Variants in BICD2 observed in about 807,000 individuals in gnomAD.
BICD2 encodes the protein protein bicaudal D homolog 2.
Under a neutral mutation model 72.9 loss-of-function variants are expected in BICD2, and 25 were observed. The ratio of observed to expected loss-of-function variants is 0.34; its 90% CI spans 0.25 to 0.48. The LOEUF (loss-of-function observed/expected upper bound fraction) is 0.48. Among genes scored for constraint, BICD2 ranks in the 20% least tolerant of loss-of-function variants. The probability of loss-of-function intolerance (pLI) is 0.99; values close to 1 mark genes in which losing one functional copy is unlikely to be tolerated. For missense variants in BICD2, 894 were observed against 1,175.2 expected, an observed-to-expected ratio of 0.76 and a Z score of 3.50; for synonymous variants, 501 against 516.1, an observed-to-expected ratio of 0.97 and a Z score of 0.40.
intron 1 of BICD2, among the ~76,000 whole-genome samples, chr9:92,752,730 C>A (rs545637984): frequency 6.6e-6 from 1 of 152,184 alleles, no homozygotes; most frequent in Non-Finnish European, 1.5e-5. Context: ...CCACTCCAGC[C>A]TGGGCGACAG....
In BICD2 at chr9:92,720,614, C is replaced by G. The variant is rs369847588; in HGVS notation, c.748G>C (p.Glu250Gln). The change falls in exon 4 of 7, where the codon GAG becomes CAG. Residue 250 changes from glutamate (E) to glutamine (Q), a missense_variant. Around this residue, in one of 5 missense-constraint regions of BICD2, gnomAD observed 371 missense variants for 439.1 expected, o/e 0.84. Transcript: ENST00000356884. This position sits in a 1 kb window ranked among gnomAD's most constrained non-coding sequence, Gnocchi z 5.4. ...LEEALETLKT[E>Q]REQKNSLRKE... ...CGCAGGCTGTTCTTCTGTTCGCGCT[C>G]CGTCTTCAGGGTCTCCAGCGCCTCC... 2.5e-6 allele frequency: 4 copies of G among 1,614,044 alleles called. No homozygotes were observed. The African/African-American group carries it at 5.3e-5, about 22-fold the overall frequency.
In BICD2 at chr9:92,718,053, TG is replaced by T. The variant is rs1473931146; in HGVS notation, c.2107-106del. On this transcript the variant is annotated intron_variant, in intron 5 of 6. Transcript: ENST00000356884. ...CCCGGTCTGAAGTGGTGGCAGTGCC[TG>T]GGAAGAAAGCTCCTGGGAGGCCCCT... 29 of 1,410,084 alleles carry T rather than the reference TG, an allele frequency of 2.1e-5. No homozygotes were observed. The Middle Eastern group carries it at 7.8e-4, about 38-fold the overall frequency. The allele number at this position is 1,410,084 out of a possible 1,614,324, so 87.3% of individuals were successfully genotyped here. A position where few individuals can be genotyped will look rare whatever the true frequency, so the allele number is the denominator to read the frequency against.
intron 1 of BICD2, among the ~76,000 whole-genome samples, chr9:92,744,202 C>G (rs1272507475): frequency 6.6e-6 from 1 of 152,174 alleles, no homozygotes; most frequent in Non-Finnish European, 1.5e-5. Flanking sequence ...CAAATGAATC[C>G]CATGTGGCAA....
Position 92,714,420 on chromosome 9 carries a change from G to A in BICD2, c.*734C>T, listed in dbSNP as rs1205051930. 4 of 985,358 alleles carry A rather than the reference G, an allele frequency of 4.1e-6. No individual in the cohort carries two copies. The African/African-American group carries it at 7.0e-5, about 17-fold the overall frequency. The allele number at this position is 985,358 out of a possible 1,614,324, so 61.0% of individuals were successfully genotyped here. A position where few individuals can be genotyped will look rare whatever the true frequency, so the allele number is the denominator to read the frequency against. ...GAAAAATGAAAACCTGGGGCCTTGG[G>A]CCCTGCCAATCTGTCACCTCACAGG... On this transcript the variant is annotated 3_prime_UTR_variant, in exon 7 of 7. Transcript: ENST00000356884.
chr9:92,764,543 A>G lies in BICD2; in HGVS notation c.202T>C (p.Tyr68His). 1 of 1,544,648 alleles carries G rather than the reference A, an allele frequency of 6.5e-7. No homozygotes were observed. The part of the protein sequence containing the change: ...KLQFEELEVD[Y>H]EAIRSEMEQL... ...TCCATCTCGCTGCGGATAGCCTCATAGTCCACCTCGAGCTCCTCGAACTGC... is the reference window on the plus strand; with the variant it reads ...TCCATCTCGCTGCGGATAGCCTCATGGTCCACCTCGAGCTCCTCGAACTGC... Residue 68 changes from tyrosine (Y) to histidine (H), a missense_variant, in exon 1 of 7, where the codon TAT (tyrosine) becomes CAT (histidine). By Grantham distance (83) the Tyr-to-His change is moderately conservative. Coordinates refer to ENST00000356884, the MANE Select transcript of BICD2 (RefSeq NM_001003800.2). This position sits in a 1 kb window ranked among gnomAD's most constrained non-coding sequence, Gnocchi z 5.5.
At position 92,718,896 on chromosome 9, in the gene BICD2, G is replaced by A. The variant is rs777813587; in HGVS notation, c.1749C>T (p.Pro583=). The change falls in exon 5 of 7, where the codon CCC becomes CCT. Residue 583 remains proline (P), a synonymous_variant. Transcript: ENST00000356884. ...CCAGCAGCCCCTTGGGTAGGAGGAT[G>A]GGTGAGCGCCGGCCACGCGCCTCGG... ...TSPEARGRRS[P]ILLPKGLLAP... is the part of the protein sequence containing the mutation. The A allele has an allele frequency of 1.9e-4, 308 of 1,598,598 alleles. No individual in the cohort carries two copies. Among genetic ancestry groups the A allele is most frequent in the Non-Finnish European group, 2.6e-4 (305 of 1,173,490 alleles).
chr9:92,743,186 C>A (rs1340389036), intron 1 of BICD2, among the ~76,000 whole-genome samples: 1 of 151,954 alleles, frequency 6.6e-6, no homozygotes, highest in East Asian at 1.9e-4. Flanking sequence ...TATGAGATCT[C>A]TTCCCATTTT....
chr9:92,762,927 G>A (rs1392465542), intron 1 of BICD2, among the ~76,000 whole-genome samples: 1 of 152,140 alleles, frequency 6.6e-6, no homozygotes, highest in Non-Finnish European at 1.5e-5. Context: ...CCAGAAACTG[G>A]CCGAGTCCAC....
At chr9:92,755,404 A>G (rs997349449) in intron 1 of BICD2, among the ~76,000 whole-genome samples, 11 of 152,140 alleles carry the variant, frequency 7.2e-5, no homozygotes, top group African/African-American at 2.7e-4. Flanking sequence ...TACCTTGTAA[A>G]GTACTTGATG....
In BICD2 at chr9:92,712,664, T is replaced by A. The variant is rs546867625; in HGVS notation, c.*2490A>T. ...TGGAATTTGTAGGTAATACTACTCA[T>A]TCAATAATTTATCTTTTTTTTTCAA... On this transcript the variant is annotated 3_prime_UTR_variant, in exon 7 of 7. Coordinates refer to ENST00000356884, the MANE Select transcript of BICD2 (RefSeq NM_001003800.2). 6.6e-6 allele frequency: 1 copy of A among 152,634 alleles called. No individual in the cohort carries two copies. The highest frequency in any genetic ancestry group is 2.4e-5 in the African/African-American group (1 of 41,562). 9.5% of individuals were successfully genotyped at this position (152,634 alleles called of 1,614,324 possible). A position where few individuals can be genotyped will look rare whatever the true frequency, so the allele number is the denominator to read the frequency against.
At chr9:92,756,335 C>T (rs189294012) in intron 1 of BICD2, among the ~76,000 whole-genome samples, 3 of 151,798 alleles carry the variant, frequency 2.0e-5, no homozygotes, top group African/African-American at 7.2e-5. Context: ...GATCTCGGCT[C>T]ACTGCAAGCT....
chr9:92,720,163 C>T lies in BICD2; in HGVS notation c.1062+137G>A, dbSNP rs998286307. ...TGTGTGCTCCTGGAGTTCCATTTAC[C>T]GTAATGATGCAGGAGATAAAATCAA... On this transcript the variant is annotated intron_variant, in intron 4 of 6. Transcript: ENST00000356884. This position sits in a 1 kb window ranked among gnomAD's most constrained non-coding sequence, Gnocchi z 5.4. The T allele has an allele frequency of 1.4e-5, 13 of 936,204 alleles. No homozygotes were observed. The highest frequency in any genetic ancestry group is 5.3e-5 in the East Asian group (2 of 37,768). The allele number at this position is 936,204 out of a possible 1,614,324, so 58.0% of individuals were successfully genotyped here. A position where few individuals can be genotyped will look rare whatever the true frequency, so the allele number is the denominator to read the frequency against.
chr9:92,720,540 G>T lies in BICD2; in HGVS notation c.822C>A (p.Ser274Arg), dbSNP rs1385825866. The change falls in exon 4 of 7, where the codon AGC (serine) becomes AGA (arginine). Residue 274 changes from serine (S) to arginine (R), a missense_variant. This residue lies in a region of BICD2 where 371 missense variants were observed against 439.1 expected (regional missense o/e 0.84). Coordinates refer to ENST00000356884, the MANE Select transcript of BICD2 (RefSeq NM_001003800.2). This position sits in a 1 kb window ranked among gnomAD's most constrained non-coding sequence, Gnocchi z 5.4. ...GGCCATCCAGCGAGACATGCAGGTG[G>T]CTGGTGTAGAAGGAGTCATTGATGC... ...YMSINDSFYT[S>R]HLHVSLDGLK... 6.2e-7 allele frequency: 1 copy of T among 1,614,208 alleles called. No homozygotes were observed. Among genetic ancestry groups the T allele is most frequent in the South Asian group, 1.1e-5 (1 of 91,084 alleles).
At chr9:92,755,249 A>T (rs1304616983) in intron 1 of BICD2, among the ~76,000 whole-genome samples, 1 of 152,256 alleles carries the variant, frequency 6.6e-6, no homozygotes, top group African/African-American at 2.4e-5. Context: ...AATTTTGGTC[A>T]GACCAGTTGA....
rs573162551 is a variant in BICD2 at position 92,713,708 on chromosome 9, G to C, written c.*1446C>G. 182 of 1,386,516 alleles carry C rather than the reference G, an allele frequency of 1.3e-4. 1 individual carries two copies. In the African/African-American group the frequency reaches 2.4e-3, roughly 19 times the overall value. 85.9% of individuals were successfully genotyped at this position (1,386,516 alleles called of 1,614,324 possible). Reference sequence around the variant, plus strand: ...CGCATGCAGGGTGGGCATGCCAGCAGCCATCCCACTGCGAGTCTTGCTGGG... The same window carrying C: ...CGCATGCAGGGTGGGCATGCCAGCACCCATCCCACTGCGAGTCTTGCTGGG... On this transcript the variant is annotated 3_prime_UTR_variant, in exon 7 of 7. Transcript: ENST00000356884.
At position 92,722,772 on chromosome 9, in the gene BICD2, G is replaced by T. The variant is rs750161755; in HGVS notation, c.490C>A (p.Arg164=). The T allele has an allele frequency of 6.2e-7, 1 of 1,613,574 alleles. No homozygotes were observed. Among genetic ancestry groups the T allele is most frequent in the South Asian group, 1.1e-5 (1 of 91,050 alleles). ...AATTTGTACTCCTTGATGTCATCCC[G>T]CAGGCGGCCACGCTGGATCTCCACA... ...QNVEIQRGRL[R]DDIKEYKFRE... The change falls in exon 3 of 7, where the codon CGG becomes AGG. Residue 164 remains arginine (R), a synonymous_variant. Transcript: ENST00000356884.
At chr9:92,723,145 G>C (rs1338593226) in intron 2 of BICD2, among the ~76,000 whole-genome samples, 1 of 152,176 alleles carries the variant, frequency 6.6e-6, no homozygotes, top group East Asian at 1.9e-4. Flanking sequence ...GTAGTGCGCA[G>C]GTGGGCATAT....
chr9:92,715,499 G>C, intron 6 of BICD2, 36 bp from the exon 7 acceptor site: 2 of 1,549,706 alleles, frequency 1.3e-6, no homozygotes, highest in Admixed American at 3.6e-5. Context: ...GGGGCGGGCA[G>C]AGCCGAGCAG....
At chr9:92,742,213 T>C (rs1487222228) in intron 1 of BICD2, among the ~76,000 whole-genome samples, 1 of 152,138 alleles carries the variant, frequency 6.6e-6, no homozygotes, top group African/African-American at 2.4e-5. Flanking sequence ...TAGTGAAATT[T>C]ATCTCAAAGA....
Sources: gnomAD v4.1 joint callset for allele counts (sites outside exome capture counted in the v4.1 genomes callset) on GRCh38, gnomAD v4.1.1 for gene constraint, gnomAD v4.1.1 regional missense constraint, Gnocchi (gnomAD v3.1) non-coding constraint, MANE v1.5 for transcripts, NCBI Gene and HGNC (gene_info 2026-07-23, HGNC 2026-07-21) for gene names.